ABLIM1: variants seen among roughly 807,000 people sequenced by gnomAD.
The protein encoded by ABLIM1 is actin-binding LIM protein 1.
Under a neutral mutation model 107.0 loss-of-function variants are expected in ABLIM1, and 40 were observed. The ratio of observed to expected loss-of-function variants is 0.37; its 90% CI spans 0.29 to 0.49. The LOEUF (loss-of-function observed/expected upper bound fraction) is 0.49, where lower values mean the gene tolerates loss of function less well. Ranked by LOEUF, ABLIM1 falls within the 20% of genes least tolerant of loss-of-function variation. The pLI is 0.97. For missense variants in ABLIM1, 857 were observed against 1,008.5 expected (o/e 0.85, Z 2.04); for synonymous variants, 357 against 357.3 (o/e 1.00, Z 0.01).
chr10:114,769,479 G>A (rs1012035160), upstream of ABLIM1, among the ~76,000 whole-genome samples: 3 of 123,930 alleles, frequency 2.4e-5, no homozygotes, highest in South Asian at 2.7e-4. Flanking sequence ...AAGAAAGAAA[G>A]AGAAAGAAAG....
the ABLIM1 span, among the ~76,000 whole-genome samples, chr10:114,789,670 G>A: frequency 2.0e-5 from 3 of 152,204 alleles, no homozygotes; most frequent in African/African-American, 2.4e-5. Flanking sequence ...TTGCTCCAAT[G>A]ATTAGTGATA....
At chr10:114,488,976 T>C (rs752452901) in intron 7 of ABLIM1, among the ~76,000 whole-genome samples, 2 of 152,208 alleles carry the variant, frequency 1.3e-5, no homozygotes, top group Non-Finnish European at 2.9e-5. Flanking sequence ...ATTCACAGTA[T>C]GAATATCAGA....
intron 1 of ABLIM1, among the ~76,000 whole-genome samples, chr10:114,668,230 C>G (rs761989088): frequency 2.6e-5 from 4 of 152,064 alleles, no homozygotes; most frequent in Non-Finnish European, 5.9e-5. Context: ...GAAAGAACAC[C>G]CAGCCTGGGA....
intron 6 of ABLIM1, among the ~76,000 whole-genome samples, chr10:114,501,607 G>A (rs1464936927): frequency 6.6e-6 from 1 of 152,110 alleles, no homozygotes; most frequent in Non-Finnish European, 1.5e-5. Flanking sequence ...AAAAAACGAA[G>A]CAAAGTACCA....
intron 1 of ABLIM1, among the ~76,000 whole-genome samples, chr10:114,635,402 C>T (rs1037872889): frequency 6.6e-6 from 1 of 152,260 alleles, no homozygotes; most frequent in Non-Finnish European, 1.5e-5. Context: ...ATAGCTTATT[C>T]TCCTCTACAG....
intron 8 of ABLIM1, among the ~76,000 whole-genome samples, chr10:114,483,127 T>C (rs180814697): frequency 9.2e-5 from 14 of 152,310 alleles, no homozygotes; most frequent in Non-Finnish European, 2.1e-4. Context: ...GAATGAAGAT[T>C]GTATGAAAAA....
At chr10:114,567,844 G>A (rs1475017685) in intron 4 of ABLIM1, among the ~76,000 whole-genome samples, 2 of 152,148 alleles carry the variant, frequency 1.3e-5, no homozygotes, top group Non-Finnish European at 2.9e-5. Flanking sequence ...TGGCTTTCTG[G>A]TAGATTTCAC....
rs1555214134 is a variant in ABLIM1 at position 114,641,275 on chromosome 10, A to AG, written c.244+16681dup. 8.9e-3 allele frequency among the ~76,000 whole-genome samples: 1,305 copies of AG among 146,158 alleles called. 53 individuals are homozygous for AG. Among genetic ancestry groups the AG allele is most frequent in the African/African-American group, 0.033 (1,244 of 37,628 alleles). On this transcript the variant is annotated intron_variant, in intron 1 of 22. Coordinates refer to ENST00000533213, the MANE Select transcript of ABLIM1 (RefSeq NM_002313.7). ...AAAAAAAAAAAAAAAAAAAAAAAAA[A>AG]GTGGACTTCGATGTTAGCAAATCTT...
chr10:114,604,016 A>G (rs1443584235), intron 1 of ABLIM1, among the ~76,000 whole-genome samples: 2 of 152,070 alleles, frequency 1.3e-5, no homozygotes, highest in African/African-American at 4.8e-5. Flanking sequence ...GTGTTTTTTA[A>G]GTTAATTCCT....
intron 1 of ABLIM1, among the ~76,000 whole-genome samples, chr10:114,676,852 C>T (rs2080508180): frequency 6.6e-6 from 1 of 152,174 alleles, no homozygotes; most frequent in Non-Finnish European, 1.5e-5. Flanking sequence ...TCTCCTGCCT[C>T]AGCCTCCTGA....
the ABLIM1 span, among the ~76,000 whole-genome samples, chr10:114,792,338 G>C: frequency 3.3e-5 from 5 of 152,114 alleles, no homozygotes; most frequent in Non-Finnish European, 4.4e-5. Context: ...AAAGAATCTT[G>C]CCCAAGGACA....
intron 4 of ABLIM1, among the ~76,000 whole-genome samples, chr10:114,562,926 T>C (rs2069984475): frequency 6.6e-6 from 1 of 152,154 alleles, no homozygotes; most frequent in Non-Finnish European, 1.5e-5. Flanking sequence ...GAGAGAAATA[T>C]ACCAGGAGGT....
upstream of ABLIM1, among the ~76,000 whole-genome samples, chr10:114,687,482 T>C (rs1190921746): frequency 6.6e-6 from 1 of 152,246 alleles, no homozygotes; most frequent in Admixed American, 6.5e-5. Context: ...ATGGCTACAA[T>C]AGGCCAACAT....
intron 6 of ABLIM1, among the ~76,000 whole-genome samples, chr10:114,536,279 C>T (rs1304383624): frequency 8.5e-6 from 1 of 118,180 alleles, no homozygotes; most frequent in African/African-American, 3.4e-5. Context: ...TGGAGTCTCA[C>T]TCTTGTCGCC....
intron 2 of ABLIM1, among the ~76,000 whole-genome samples, chr10:114,579,147 C>T (rs1230138379): frequency 1.3e-5 from 2 of 152,094 alleles, no homozygotes; most frequent in African/African-American, 4.8e-5. Context: ...TACTCAAAAC[C>T]TGGCCTTCAG....
chr10:114,604,820 T>C (rs1022204268), intron 1 of ABLIM1, among the ~76,000 whole-genome samples: 5 of 152,222 alleles, frequency 3.3e-5, no homozygotes, highest in African/African-American at 1.2e-4. Flanking sequence ...TTGAATTTCT[T>C]ATTGCTAAGC....
intron 11 of ABLIM1, among the ~76,000 whole-genome samples, chr10:114,467,254 T>C (rs2065372642): frequency 1.3e-5 from 2 of 152,184 alleles, no homozygotes; most frequent in Admixed American, 6.5e-5. Flanking sequence ...ATATATTAGG[T>C]AATAAGTACA....
rs1388006902 is a variant in ABLIM1 at position 114,431,994 on chromosome 10, T to G, written c.*4266A>C. 6.7e-6 allele frequency: 1 copy of G among 150,210 alleles called. No individual in the cohort carries two copies. Among genetic ancestry groups the G allele is most frequent in the Non-Finnish European group, 1.5e-5 (1 of 67,442 alleles). The allele number at this position is 150,210 out of a possible 1,614,324, so 9.3% of individuals were successfully genotyped here. On this transcript the variant is annotated 3_prime_UTR_variant, in exon 23 of 23. Coordinates refer to ENST00000533213, the MANE Select transcript of ABLIM1 (RefSeq NM_002313.7). Reference sequence around the variant, plus strand: ...AAAATAAACAGTGATTAAAAAAAAATGCCAAAGTGAAGGTTTCTCTTTCTT... The same window carrying G: ...AAAATAAACAGTGATTAAAAAAAAAGGCCAAAGTGAAGGTTTCTCTTTCTT...
chr10:114,556,392 C>A (rs2068731145), intron 4 of ABLIM1, among the ~76,000 whole-genome samples: 1 of 152,176 alleles, frequency 6.6e-6, no homozygotes, highest in Non-Finnish European at 1.5e-5. Flanking sequence ...GTGGTGACTG[C>A]TCACTTTATA....
Sources: gnomAD v4.1 joint callset for allele counts (sites outside exome capture counted in the v4.1 genomes callset) on GRCh38, gnomAD v4.1.1 for gene constraint, MANE v1.5 for transcripts, NCBI Gene and HGNC (gene_info 2026-07-23, HGNC 2026-07-21) for gene names.